The following GNPTAB variants were observed in gnomAD, a reference collection of about 807,000 sequenced individuals.
The protein encoded by GNPTAB is N-acetylglucosamine-1-phosphotransferase subunits alpha/beta.
GNPTAB carries 92 observed loss-of-function variants against 136.6 expected under a neutral mutation model. The observed-to-expected ratio is 0.67, with a 90% CI of 0.57 to 0.80. The LOEUF (loss-of-function observed/expected upper bound fraction) is 0.80. Ranked by LOEUF, GNPTAB falls within the 30% of genes least tolerant of loss-of-function variation. GNPTAB has a pLI of 0.00. For synonymous variants in GNPTAB, 512 were observed against 535.1 expected (o/e 0.96, Z 0.60); for missense variants, 1,343 against 1,501.8 (o/e 0.89, Z 1.75).
In GNPTAB at chr12:101,789,901, A is replaced by C. The variant is rs747176559; in HGVS notation, c.323+37T>G. ...CCCTCAGACCTTATTACATCGCCAC[A>C]TTACCCATCTGATGTGAAAAAAAAA... is the stretch of plus-strand genomic sequence containing the variant. On this transcript the variant is annotated intron_variant, in intron 3 of 20. Transcript: ENST00000299314. 4 of 1,602,120 alleles carry C rather than the reference A, an allele frequency of 2.5e-6. No homozygotes were observed. The South Asian group carries it at 4.4e-5, about 18-fold the overall frequency.
intron 18 of GNPTAB, among the ~76,000 whole-genome samples, chr12:101,753,952 C>A (rs1411909594): frequency 6.6e-6 from 1 of 151,972 alleles, no homozygotes; most frequent in Non-Finnish European, 1.5e-5. Context: ...GAGTTTGAGA[C>A]CAGCTTGACC....
intron 18 of GNPTAB, 52 bp from the exon 19 acceptor site, chr12:101,753,591 T>C: frequency 2.8e-6 from 4 of 1,436,140 alleles, no homozygotes; most frequent in Non-Finnish European, 3.9e-6. Flanking sequence ...AATCCTGACC[T>C]AACAAAACAA....
intron 5 of GNPTAB, among the ~76,000 whole-genome samples, chr12:101,785,086 G>T (rs182186546): frequency 2.6e-4 from 40 of 152,312 alleles, no homozygotes; most frequent in African/African-American, 8.9e-4. Flanking sequence ...GTTTTTCACA[G>T]TTCTGGTGGC....
At chr12:101,749,752 AAG>A (rs1193329669) in intron 19 of GNPTAB, among the ~76,000 whole-genome samples, 1 of 152,222 alleles carries the variant, frequency 6.6e-6, no homozygotes, top group Non-Finnish European at 1.5e-5. Context: ...ATGGATGAGA[AAG>A]AGAAGGAGCA....
rs148458969 is a variant in GNPTAB at position 101,758,935 on chromosome 12, C to G, written c.3249+1095G>C. Reference sequence around the variant, plus strand: ...GTACAAAAAGGATATTAAAAACTACCTGTGATTTAACCTACTGTCATTTCT... The same window carrying G: ...GTACAAAAAGGATATTAAAAACTACGTGTGATTTAACCTACTGTCATTTCT... On this transcript the variant is annotated intron_variant, in intron 16 of 20. Coordinates refer to ENST00000299314, the MANE Select transcript of GNPTAB (RefSeq NM_024312.5). Among the ~76,000 whole-genome samples the G allele has an allele frequency of 2.6e-5, 4 of 152,208 alleles. No individual in the cohort carries two copies. In the East Asian group the frequency reaches 7.7e-4, roughly 29 times the overall value.
At chr12:101,798,007 A>G (rs1414711473) in intron 1 of GNPTAB, among the ~76,000 whole-genome samples, 1 of 152,014 alleles carries the variant, frequency 6.6e-6, no homozygotes, top group Non-Finnish European at 1.5e-5. Flanking sequence ...TATCCATTCC[A>G]GTGAGTCCCT....
chr12:101,823,906 G>C (rs1351471680), intron 1 of GNPTAB, among the ~76,000 whole-genome samples: 1 of 152,198 alleles, frequency 6.6e-6, no homozygotes, highest in Non-Finnish European at 1.5e-5. Context: ...TCTAGAGCAA[G>C]GTAAAGGGCT....
chr12:101,757,976 C>T (rs1036912710), intron 16 of GNPTAB, among the ~76,000 whole-genome samples: 4 of 151,976 alleles, frequency 2.6e-5, no homozygotes, highest in Non-Finnish European at 5.9e-5. Context: ...AGCCTGACTG[C>T]GTACCAGCTC....
chr12:101,799,049 T>C (rs1400117401), intron 1 of GNPTAB, among the ~76,000 whole-genome samples: 2 of 120,550 alleles, frequency 1.7e-5, no homozygotes, highest in Non-Finnish European at 3.8e-5. Flanking sequence ...ATCATTGTTT[T>C]TTAAAAAAAA....
At chr12:101,762,992 G>A (rs541614291) in intron 13 of GNPTAB, among the ~76,000 whole-genome samples, 4 of 151,328 alleles carry the variant, frequency 2.6e-5, no homozygotes, top group African/African-American at 7.3e-5. Flanking sequence ...AGGCCGAGGC[G>A]GGCGGATCAC....
At chr12:101,824,432 A>ATATATATATATATATT (rs1188582277) in intron 1 of GNPTAB, among the ~76,000 whole-genome samples, 11 of 50,858 alleles carry the variant, frequency 2.2e-4, no homozygotes, top group African/African-American at 3.4e-4. Flanking sequence ...ATATATATAT[A>ATATATATATATATATT]TTTTCTTTTT....
intron 5 of GNPTAB, among the ~76,000 whole-genome samples, chr12:101,784,806 G>A: frequency 6.6e-6 from 1 of 152,192 alleles, no homozygotes; most frequent in Middle Eastern, 3.2e-3. Flanking sequence ...GGGAGCTAGA[G>A]AACTAGACTT....
At chr12:101,819,908 T>A (rs1417682078) in intron 1 of GNPTAB, among the ~76,000 whole-genome samples, 1 of 152,212 alleles carries the variant, frequency 6.6e-6, no homozygotes, top group African/African-American at 2.4e-5. Context: ...AAGGACTTGC[T>A]CCCTCTGATT....
At chr12:101,763,116 G>A (rs565813575) in intron 13 of GNPTAB, among the ~76,000 whole-genome samples, 1 of 151,898 alleles carries the variant, frequency 6.6e-6, no homozygotes, top group African/African-American at 2.4e-5. Context: ...CAGCCACTCA[G>A]GAGGCTGAGA....
intron 1 of GNPTAB, among the ~76,000 whole-genome samples, chr12:101,825,919 A>T (rs1871064828): frequency 6.6e-6 from 1 of 152,182 alleles, no homozygotes; most frequent in South Asian, 2.1e-4. Context: ...GAGGATCACA[A>T]TTTGTGCTGC....
chr12:101,753,279 T>G lies in GNPTAB; in HGVS notation c.3602+93A>C. ...AAAAAAAAAAAATAAAAAGAGAAAT[T>G]TCATAAAAAAAACATTTCATCACTA... On this transcript the variant is annotated intron_variant, in intron 19 of 20. Coordinates refer to ENST00000299314, the MANE Select transcript of GNPTAB (RefSeq NM_024312.5). 4 of 1,124,400 alleles carry G rather than the reference T, an allele frequency of 3.6e-6. No homozygotes were observed. In the South Asian group the frequency reaches 5.6e-5, roughly 16 times the overall value. 69.7% of individuals were successfully genotyped at this position (1,124,400 alleles called of 1,614,324 possible).
At chr12:101,777,188 C>A (rs939304534) in intron 7 of GNPTAB, among the ~76,000 whole-genome samples, 1 of 152,212 alleles carries the variant, frequency 6.6e-6, no homozygotes, top group Non-Finnish European at 1.5e-5. Flanking sequence ...GCTTCTGGAA[C>A]CATTTCCATC....
intron 2 of GNPTAB, among the ~76,000 whole-genome samples, chr12:101,790,343 G>A (rs1218351655): frequency 6.6e-6 from 1 of 152,202 alleles, no homozygotes; most frequent in African/African-American, 2.4e-5. Flanking sequence ...TTTAAAGATT[G>A]TTCGTGGGTG....
chr12:101,769,906 C>T, intron 10 of GNPTAB, 115 bp downstream of exon 10: 1 of 1,054,626 alleles, frequency 9.5e-7, no homozygotes, highest in South Asian at 1.3e-5. Flanking sequence ...ACTGGGATTA[C>T]AGGTGTGAGC....
Sources: gnomAD v4.1 joint callset for allele counts (sites outside exome capture counted in the v4.1 genomes callset) on GRCh38, gnomAD v4.1.1 for gene constraint, MANE v1.5 for transcripts, NCBI Gene and HGNC (gene_info 2026-07-23, HGNC 2026-07-21) for gene names.